The following SLC22A15 variants were observed in gnomAD, a reference collection of about 807,000 sequenced individuals.
SLC22A15 encodes the protein flipt 1.
Under a neutral mutation model 62.7 loss-of-function variants are expected in SLC22A15, and 45 were observed. That is an observed-to-expected ratio of 0.72 (90% CI 0.56 to 0.92). SLC22A15 has a LOEUF of 0.92. Ranked by LOEUF, SLC22A15 falls within the 40% of genes least tolerant of loss-of-function variation. The probability of loss-of-function intolerance (pLI) is 0.00; values close to 1 mark genes in which losing one functional copy is unlikely to be tolerated. For missense variants in SLC22A15, 622 were observed against 665.6 expected, an observed-to-expected ratio of 0.93 and a Z score of 0.72; for synonymous variants, 264 against 267.0, an observed-to-expected ratio of 0.99 and a Z score of 0.11.
intron 2 of SLC22A15, among the ~76,000 whole-genome samples, chr1:116,014,826 T>A (rs1656445277): frequency 6.6e-6 from 1 of 152,210 alleles, no homozygotes; most frequent in South Asian, 2.1e-4. Context: ...TAAAATGACC[T>A]GGTAATATCC....
chr1:116,035,060 T>C, intron 6 of SLC22A15, 127 bp from the exon 7 acceptor site: 9 of 1,007,050 alleles, frequency 8.9e-6, no homozygotes, highest in Non-Finnish European at 1.1e-5. Flanking sequence ...AGAGACAAGC[T>C]TATTGCTTAC....
intron 2 of SLC22A15, among the ~76,000 whole-genome samples, chr1:116,006,554 T>A (rs1226354855): frequency 6.6e-6 from 1 of 152,114 alleles, no homozygotes; most frequent in Non-Finnish European, 1.5e-5. Flanking sequence ...AGTAGCTACG[T>A]CTTTTCCTTC....
chr1:116,038,357 G>A (rs1289758954), intron 8 of SLC22A15, among the ~76,000 whole-genome samples: 1 of 152,164 alleles, frequency 6.6e-6, no homozygotes, highest in Non-Finnish European at 1.5e-5. Flanking sequence ...ATTGCTTCTT[G>A]TGGTTCATTT....
At chr1:116,028,826 A>G (rs901568333) in intron 5 of SLC22A15, among the ~76,000 whole-genome samples, 1 of 152,088 alleles carries the variant, frequency 6.6e-6, no homozygotes, top group Non-Finnish European at 1.5e-5. Context: ...TGCTTTTTCA[A>G]CAATCTTCTG....
At chr1:116,036,166 C>G (rs753193065) in intron 7 of SLC22A15, among the ~76,000 whole-genome samples, 1 of 152,144 alleles carries the variant, frequency 6.6e-6, no homozygotes, top group Non-Finnish European at 1.5e-5. Flanking sequence ...ACAGCTTACT[C>G]TCATCATGAT....
At chr1:116,026,006 CT>C (rs1657067749) in intron 4 of SLC22A15, among the ~76,000 whole-genome samples, 1 of 152,118 alleles carries the variant, frequency 6.6e-6, no homozygotes, top group East Asian at 1.9e-4. Flanking sequence ...CTTAAGGGAG[CT>C]TATTTTCTAC....
chr1:115,992,645 G>A (rs1279672260), intron 2 of SLC22A15, among the ~76,000 whole-genome samples: 5 of 134,330 alleles, frequency 3.7e-5, no homozygotes, highest in Admixed American at 1.6e-4. Flanking sequence ...TTTTTGAGAC[G>A]GAGTCTTGCT....
At position 116,041,939 on chromosome 1, in the gene SLC22A15, G is replaced by GGTTTGTTT. The variant is rs371828342; in HGVS notation, c.1171+4572_1171+4579dup. On this transcript the variant is annotated intron_variant, in intron 8 of 11. Transcript: ENST00000369503. ...GTCAAAGTCATTTTAGGAAAACCCT[G>GGTTTGTTT]GTTTGTTTGTTTGTTTGTTTGTTTG... Among the ~76,000 whole-genome samples the GGTTTGTTT allele has an allele frequency of 3.0e-3, 453 of 151,732 alleles. 1 individual carries two copies. The highest frequency in any genetic ancestry group is 0.01 in the African/African-American group (414 of 41,294).
intron 8 of SLC22A15, among the ~76,000 whole-genome samples, chr1:116,055,177 AAGAG>A (rs983826654): frequency 2.1e-4 from 31 of 151,066 alleles, no homozygotes; most frequent in Non-Finnish European, 2.5e-4. Context: ...TAAAGAAAAA[AAGAG>A]AGAAGAATCA....
chr1:116,067,785 CAG>C lies in SLC22A15; in HGVS notation c.*680_*681del, dbSNP rs1021283174. ...GCCAGATATACCAAAGCGGTTTACT[CAG>C]AGTCAGGGGTGTAGCTCTGGCTGCC... On this transcript the variant is annotated 3_prime_UTR_variant, in exon 12 of 12. Coordinates refer to ENST00000369503, the MANE Select transcript of SLC22A15 (RefSeq NM_018420.3). 4 of 152,288 alleles carry C rather than the reference CAG, an allele frequency of 2.6e-5. No individual in the cohort carries two copies. The highest frequency in any genetic ancestry group is 9.7e-5 in the African/African-American group (4 of 41,432). The allele number at this position is 152,288 out of a possible 1,614,324, so 9.4% of individuals were successfully genotyped here.
At chr1:116,065,648 C>G (rs1658480615) in intron 10 of SLC22A15, among the ~76,000 whole-genome samples, 1 of 150,832 alleles carries the variant, frequency 6.6e-6, no homozygotes, top group Non-Finnish European at 1.5e-5. Context: ...TCTCCCTTCT[C>G]CTCCCCCTTC....
chr1:116,013,673 A>T (rs1175445515), intron 2 of SLC22A15: 1 of 152,154 alleles, frequency 6.6e-6, no homozygotes, highest in Non-Finnish European at 1.5e-5. Context: ...TTATATTTGT[A>T]TTTCAGGAAA....
chr1:115,977,317 C>G (rs552944230), intron 1 of SLC22A15, among the ~76,000 whole-genome samples: 2 of 152,188 alleles, frequency 1.3e-5, no homozygotes, highest in Non-Finnish European at 2.9e-5. Flanking sequence ...GGCTGAGACT[C>G]CCGTGAGCCG....
At chr1:116,037,228 A>T (rs1657654135) in intron 7 of SLC22A15, 75 bp from the exon 8 acceptor site, 1 of 1,290,860 alleles carries the variant, frequency 7.7e-7, no homozygotes, top group South Asian at 1.2e-5. Flanking sequence ...AGATTTTTAA[A>T]TAAGAAGGTT....
chr1:115,979,645 TG>T (rs1427237462), intron 1 of SLC22A15, among the ~76,000 whole-genome samples: 1 of 152,236 alleles, frequency 6.6e-6, no homozygotes, highest in Non-Finnish European at 1.5e-5. Context: ...GATTCCGAGT[TG>T]CTGCCATCGT....
Position 115,976,586 on chromosome 1 carries a change from G to C in SLC22A15, c.-42G>C, listed in dbSNP as rs745495587. 6.8e-7 allele frequency: 1 copy of C among 1,479,356 alleles called. No homozygotes were observed. The highest frequency in any genetic ancestry group is 1.2e-5 in the South Asian group (1 of 85,194). The allele number at this position is 1,479,356 out of a possible 1,614,324, so 91.6% of individuals were successfully genotyped here. A position where few individuals can be genotyped will look rare whatever the true frequency, so the allele number is the denominator to read the frequency against. ...CGCGCTGGGCGGGAGGGCAGCGCCT[G>C]AGAGGGCGGTGGGGTGGCGGGGTTC... On this transcript the variant is annotated 5_prime_UTR_variant, in exon 1 of 12. Coordinates refer to ENST00000369503, the MANE Select transcript of SLC22A15 (RefSeq NM_018420.3).
At position 115,976,593 on chromosome 1, in the gene SLC22A15, CG is replaced by C; in HGVS notation, c.-33del. On this transcript the variant is annotated 5_prime_UTR_variant, in exon 1 of 12. Coordinates refer to ENST00000369503, the MANE Select transcript of SLC22A15 (RefSeq NM_018420.3). The stretch of plus-strand genomic sequence containing the variant: ...GGCGGGAGGGCAGCGCCTGAGAGGG[CG>C]GTGGGGTGGCGGGGTTCCTGCGCGC... 6.6e-7 allele frequency: 1 copy of C among 1,506,214 alleles called. No homozygotes were observed. The highest frequency in any genetic ancestry group is 9.0e-7 in the Non-Finnish European group (1 of 1,115,026). 93.3% of individuals were successfully genotyped at this position (1,506,214 alleles called of 1,614,324 possible). A position where few individuals can be genotyped will look rare whatever the true frequency, so the allele number is the denominator to read the frequency against.
At chr1:115,992,007 G>A (rs1416651182) in intron 1 of SLC22A15, 24 bp from the exon 2 acceptor site, 1 of 1,603,400 alleles carries the variant, frequency 6.2e-7, no homozygotes, top group Non-Finnish European at 8.5e-7. Flanking sequence ...TGCAGTGTTT[G>A]GTTCTGTGTG....
chr1:116,066,607 C>T lies in SLC22A15; in HGVS notation c.1453C>T (p.Leu485Phe), dbSNP rs748016896. The T allele has an allele frequency of 6.2e-7, 1 of 1,610,256 alleles. No individual in the cohort carries two copies. The highest frequency in any genetic ancestry group is 8.5e-7 in the Non-Finnish European group (1 of 1,178,414). The change falls in exon 11 of 12, where the codon CTT becomes TTT. Residue 485 changes from leucine (L) to phenylalanine (F), a missense_variant. Transcript: ENST00000369503. ...GLLSLLLPET[L>F]NSPLLETFSD... ...CCTGAGTTTGTTATTGCCGGAGACC[C>T]TTAACAGTCCGCTGCTAGAAACATT...
Sources: gnomAD v4.1 joint callset for allele counts (sites outside exome capture counted in the v4.1 genomes callset) on GRCh38, gnomAD v4.1.1 for gene constraint, MANE v1.5 for transcripts, NCBI Gene and HGNC (gene_info 2026-07-23, HGNC 2026-07-21) for gene names.